ITGA10: variants seen among roughly 807,000 people sequenced by gnomAD.
The protein encoded by ITGA10 is integrin alpha-10.
In ITGA10, 105 loss-of-function variants were observed where a neutral mutation model predicts 145.2. The ratio of observed to expected loss-of-function variants is 0.72; its 90% CI spans 0.62 to 0.85. ITGA10 has a LOEUF of 0.85. Among genes scored for constraint, ITGA10 ranks in the 40% least tolerant of loss-of-function variants. The pLI is 0.00. For synonymous variants in ITGA10, 506 were observed against 557.8 expected (o/e 0.91, Z 1.31); for missense variants, 1,317 against 1,444.5 (o/e 0.91, Z 1.43).
chr1:145,897,788 G>C, intron 19 of ITGA10, 27 bp downstream of exon 19: 1 of 1,611,638 alleles, frequency 6.2e-7, no homozygotes, highest in Non-Finnish European at 8.5e-7. Flanking sequence ...AGGTCACCCT[G>C]GTTTGCCTAG....
chr1:145,898,109 C>G lies in ITGA10; in HGVS notation c.2346+1G>C, dbSNP rs371540740. 1.2e-6 allele frequency: 2 copies of G among 1,609,842 alleles called. No individual in the cohort carries two copies. The highest frequency in any genetic ancestry group is 1.7e-6 in the Non-Finnish European group (2 of 1,176,164). On this transcript the variant is annotated splice_donor_variant, in intron 18 of 29. Transcript: ENST00000369304. LOFTEE classifies it high-confidence loss of function. ...AAGGGGCAGGGCATGGCACTGCTGA[C>G]CAGCTTTTGTATAGAGGTGGGTGAG...
At position 145,906,685 on chromosome 1, in the gene ITGA10, C is replaced by A. The variant is rs782220844; in HGVS notation, c.366+48G>T. The A allele has an allele frequency of 6.1e-6, 9 of 1,480,164 alleles. No homozygotes were observed. In the African/African-American group the frequency reaches 1.3e-4, roughly 21 times the overall value. The allele number at this position is 1,480,164 out of a possible 1,614,324, so 91.7% of individuals were successfully genotyped here. A position where few individuals can be genotyped will look rare whatever the true frequency, so the allele number is the denominator to read the frequency against. On this transcript the variant is annotated intron_variant, in intron 4 of 29. Coordinates refer to ENST00000369304, the MANE Select transcript of ITGA10 (RefSeq NM_003637.5). ...TTCCCTTACCACACTTCTCTTTTTT[C>A]TTTTATGGACCTTCAGAGACACTGC... is the stretch of plus-strand genomic sequence containing the variant.
At chr1:145,893,444 T>C in intron 28 of ITGA10, 96 bp downstream of exon 28, 3 of 1,020,064 alleles carry the variant, frequency 2.9e-6, no homozygotes, top group South Asian at 1.4e-5. Context: ...TGCTGCCTGA[T>C]GGAGATGCCT....
intron 1 of ITGA10, among the ~76,000 whole-genome samples, chr1:145,908,847 C>T (rs1445409825): frequency 6.6e-6 from 1 of 152,110 alleles, no homozygotes; most frequent in Non-Finnish European, 1.5e-5. Context: ...AGAGTTCTGA[C>T]CACATAGTTA....
intron 1 of ITGA10, 44 bp downstream of exon 1, chr1:145,909,919 T>C (rs782177791): frequency 1.3e-6 from 2 of 1,532,714 alleles, no homozygotes; most frequent in South Asian, 1.1e-5. Context: ...ACAATCTATG[T>C]ATCTTCCATC....
Position 145,897,557 on chromosome 1 carries a change from A to C in ITGA10, c.2529T>G (p.Ser843Arg), listed in dbSNP as rs369146147. ...RKENAYNTSL[S>R]LIFSRNLHLA... The stretch of plus-strand genomic sequence containing the variant: ...GGTGGAGGTTTCTAGAGAAGATGAG[A>C]CTCAGGCTCGTATTGTAAGCATTTT... The change falls in exon 20 of 30, where the codon AGT (serine) becomes AGG (arginine). Residue 843 changes from serine to arginine, a missense_variant. Coordinates refer to ENST00000369304, the MANE Select transcript of ITGA10 (RefSeq NM_003637.5). The C allele has an allele frequency of 4.3e-6, 7 of 1,613,834 alleles. No individual in the cohort carries two copies. Among genetic ancestry groups the C allele is most frequent in the Non-Finnish European group, 5.9e-6 (7 of 1,179,980 alleles).
chr1:145,909,945 G>A lies in ITGA10; in HGVS notation c.52+18C>T. ...ATCTTCCATCCCCACCAGAAACCAA[G>A]AAGTTAACTTCCCTCACCTGTCAGG... On this transcript the variant is annotated intron_variant, in intron 1 of 29. Transcript: ENST00000369304. 2 of 1,608,964 alleles carry A rather than the reference G, an allele frequency of 1.2e-6. No homozygotes were observed. Among genetic ancestry groups the A allele is most frequent in the Non-Finnish European group, 1.7e-6 (2 of 1,175,732 alleles).
chr1:145,901,247 G>A lies in ITGA10; in HGVS notation c.1475C>T (p.Pro492Leu). 1 of 1,614,084 alleles carries A rather than the reference G, an allele frequency of 6.2e-7. No homozygotes were observed. Among genetic ancestry groups the A allele is most frequent in the South Asian group, 1.1e-5 (1 of 91,070 alleles). The change falls in exon 13 of 30, where the codon CCA becomes CTA. Residue 492 changes from proline (P) to leucine (L), a missense_variant. Transcript: ENST00000369304. The surrounding 1 kb of genome is among the most constrained non-coding windows in gnomAD (Gnocchi z 4.3). ...IGSYFGSELC[P>L]LDTDRDGTTD... ...TGTTCCATCCCTATCTGTATCCAAT[G>A]GGCAGAGCTCACTGCCAAAGTATGA... is the stretch of plus-strand genomic sequence containing the variant.
rs369311816 is a variant in ITGA10, at chr1:145,897,632, T to C, written c.2454A>G (p.Arg818=). 9.4e-5 allele frequency: 152 copies of C among 1,613,942 alleles called. 2 individuals are homozygous for C. The highest frequency in any genetic ancestry group is 8.5e-5 in the Non-Finnish European group (100 of 1,180,018). ...ATACCAGCACTTTCCGCCGGCCACC[T>C]CGAACCACAAATGGGGCCTTCCTGG... ...RGSRKAPFVV[R]GGRRKVLVST... The change falls in exon 20 of 30, where the codon CGA becomes CGG. Residue 818 remains arginine (R), a synonymous_variant. Coordinates refer to ENST00000369304, the MANE Select transcript of ITGA10 (RefSeq NM_003637.5).
At chr1:145,899,465 C>A (rs4970851) in intron 15 of ITGA10, 124 bp from the exon 16 acceptor site, 371,177 of 1,014,152 alleles carry the variant, frequency 0.37, 70,201 homozygotes, top group East Asian at 0.56. Context: ...ATGTCACCCT[C>A]CCCCGAACCC....
chr1:145,896,668 T>A, intron 23 of ITGA10, 101 bp downstream of exon 23: 1 of 968,478 alleles, frequency 1.0e-6, no homozygotes, highest in Admixed American at 1.7e-5. Flanking sequence ...CGCAAGGGCT[T>A]GGGTTTTTGG....
At position 145,902,336 on chromosome 1, in the gene ITGA10, C is replaced by T. The variant is rs587748419; in HGVS notation, c.1076-17G>A. 1.9e-6 allele frequency: 3 copies of T among 1,613,818 alleles called. No individual in the cohort carries two copies. Among genetic ancestry groups the T allele is most frequent in the East Asian group, 2.2e-5 (1 of 44,882 alleles). ...CATGGGACCCTTGGTCATGAGAAAA[C>T]ATTGAGACAATATCAGGGGAAGACA... On this transcript the variant is annotated splice_polypyrimidine_tract_variant and intron_variant, in intron 9 of 29. Transcript: ENST00000369304.
chr1:145,898,407 C>T (rs1173517881), intron 17 of ITGA10, among the ~76,000 whole-genome samples, 184 bp from the exon 18 acceptor site: 1 of 152,048 alleles, frequency 6.6e-6, no homozygotes, highest in Non-Finnish European at 1.5e-5. Context: ...CTCGCTCTGT[C>T]GCCCAGGCTG....
Position 145,896,958 on chromosome 1 carries a change from A to G in ITGA10, c.2744+53T>C, listed in dbSNP as rs587663431. On this transcript the variant is annotated intron_variant, in intron 22 of 29. Transcript: ENST00000369304. The stretch of plus-strand genomic sequence containing the variant: ...CAATGTTGTTCCTCCCCACCCCTCC[A>G]GTCAAGACTCAGTAGGAGGAGAGGT... 83 of 1,556,686 alleles carry G rather than the reference A, an allele frequency of 5.3e-5. No individual in the cohort carries two copies. The South Asian group carries it at 8.9e-4, about 17-fold the overall frequency.
At position 145,891,695 on chromosome 1, in the gene ITGA10, T is replaced by G. The variant is rs1654768316; in HGVS notation, c.*1103A>C. 6.6e-6 allele frequency: 1 copy of G among 152,198 alleles called. No homozygotes were observed. 9.4% of individuals were successfully genotyped at this position (152,198 alleles called of 1,614,324 possible). A position where few individuals can be genotyped will look rare whatever the true frequency, so the allele number is the denominator to read the frequency against. On this transcript the variant is annotated 3_prime_UTR_variant, in exon 30 of 30. Transcript: ENST00000369304. ...CAAAATATGACCAGGGTTCTAGGGT[T>G]GCCCCAGAAACATTTTCCTAGGAGC...
Position 145,893,142 on chromosome 1 carries a change from C to G in ITGA10, c.3438+19G>C. ...TCATGGGCATCATGCTCCACACTCCCCACTAAAGCAGTGCTTACCTTCCAC... is the reference window on the plus strand; with the variant it reads ...TCATGGGCATCATGCTCCACACTCCGCACTAAAGCAGTGCTTACCTTCCAC... On this transcript the variant is annotated intron_variant, in intron 29 of 29. Transcript: ENST00000369304. 6.5e-7 allele frequency: 1 copy of G among 1,539,634 alleles called. No individual in the cohort carries two copies. Among genetic ancestry groups the G allele is most frequent in the Non-Finnish European group, 9.0e-7 (1 of 1,112,118 alleles).
chr1:145,908,794 G>A (rs1657482882), intron 1 of ITGA10, among the ~76,000 whole-genome samples: 1 of 152,128 alleles, frequency 6.6e-6, no homozygotes, highest in South Asian at 2.1e-4. Context: ...AAACTGGCAG[G>A]GCTGTATGAC....
chr1:145,909,665 A>G (rs587669574), intron 1 of ITGA10, among the ~76,000 whole-genome samples: 4 of 134,064 alleles, frequency 3.0e-5, no homozygotes, highest in East Asian at 2.0e-4. Flanking sequence ...TATAATTGTT[A>G]TATATTATAT....
At chr1:145,909,471 AT>A (rs1304547713) in intron 1 of ITGA10, among the ~76,000 whole-genome samples, 1 of 130,736 alleles carries the variant, frequency 7.6e-6, no homozygotes, top group African/African-American at 3.2e-5. Flanking sequence ...TATGTTATAT[AT>A]TATATGTATA....
Sources: allele counts gnomAD v4.1 joint callset (sites outside exome capture counted in the v4.1 genomes callset), GRCh38; gene constraint gnomAD v4.1.1; non-coding constraint Gnocchi (gnomAD v3.1); transcripts MANE v1.5; gene names NCBI Gene and HGNC (gene_info 2026-07-23, HGNC 2026-07-21).